The following KLHL18 variants were observed in gnomAD, a reference collection of about 807,000 sequenced individuals.
KLHL18 encodes the protein kelch like family member 18.
A neutral mutation model predicts 58.5 loss-of-function variants in KLHL18; 38 were observed. That is an observed-to-expected ratio of 0.65 (90% confidence interval 0.50 to 0.85). The LOEUF (loss-of-function observed/expected upper bound fraction) is 0.85. Among genes scored for constraint, KLHL18 ranks in the 40% least tolerant of loss-of-function variants. KLHL18 has a pLI of 0.00. For missense variants in KLHL18, 624 were observed against 778.4 expected (o/e 0.80, Z 2.36); for synonymous variants, 303 against 301.9 (o/e 1.00, Z -0.04).
In KLHL18 at chr3:47,303,106, G is replaced by A. The variant is rs1487947078; in HGVS notation, c.130-16547G>A. Among the ~76,000 whole-genome samples, 13 of 152,160 alleles carry A rather than the reference G, an allele frequency of 8.5e-5. No individual in the cohort carries two copies. The East Asian group carries it at 1.3e-3, about 16-fold the overall frequency. ...CTGGCTATGTCATAAATCCCGTGAC[G>A]TCATGTACAACAGCTGAACAGCTTT... is the stretch of plus-strand genomic sequence containing the variant. On this transcript the variant is annotated intron_variant, in intron 1 of 9. Transcript: ENST00000232766.
At chr3:47,294,050 A>G (rs144878279) in intron 1 of KLHL18, among the ~76,000 whole-genome samples, 1 of 152,216 alleles carries the variant, frequency 6.6e-6, no homozygotes, top group African/African-American at 2.4e-5. Flanking sequence ...GATCCTCTTC[A>G]TCTTTTACCT....
chr3:47,288,659 G>A (rs964768071), intron 1 of KLHL18, among the ~76,000 whole-genome samples: 8 of 152,016 alleles, frequency 5.3e-5, no homozygotes, highest in East Asian at 3.8e-4. Flanking sequence ...GAAGCCTGTC[G>A]GATAGTGAGA....
At chr3:47,301,203 C>A (rs964097517) in intron 1 of KLHL18, among the ~76,000 whole-genome samples, 1 of 151,490 alleles carries the variant, frequency 6.6e-6, no homozygotes, top group African/African-American at 2.4e-5. Flanking sequence ...CTAACTGGTT[C>A]TTTCACAGAG....
chr3:47,297,393 TC>T (rs1702919804), intron 1 of KLHL18, among the ~76,000 whole-genome samples: 1 of 152,112 alleles, frequency 6.6e-6, no homozygotes. Context: ...GGTGAAAGAA[TC>T]CCCCTGACTT....
rs767795617 is a variant in KLHL18 at position 47,282,977 on chromosome 3, C to T, written c.12C>T (p.Asp4=). 3 of 1,610,408 alleles carry T rather than the reference C, an allele frequency of 1.9e-6. No individual in the cohort carries two copies. Among genetic ancestry groups the T allele is most frequent in the African/African-American group, 1.3e-5 (1 of 74,964 alleles). Residue 4 remains aspartate, a synonymous_variant, in exon 1 of 10, where the codon GAC becomes GAT. Transcript: ENST00000232766. MVE[D]GAEELEDLVH... is the part of the protein sequence containing the mutation. ...AGCGGCCGGGGAAGATGGTGGAGGA[C>T]GGCGCGGAGGAGCTGGAGGATCTGG...
intron 1 of KLHL18, among the ~76,000 whole-genome samples, chr3:47,289,397 C>T (rs1265601670): frequency 6.6e-6 from 1 of 152,152 alleles, no homozygotes; most frequent in Non-Finnish European, 1.5e-5. Context: ...CTTGTGTTAC[C>T]CACTAAATGT....
intron 1 of KLHL18, among the ~76,000 whole-genome samples, chr3:47,315,401 A>G (rs1431171502): frequency 1.3e-5 from 2 of 152,222 alleles, no homozygotes; most frequent in East Asian, 3.8e-4. Context: ...AGGCACACCA[A>G]GCATAGGAGA....
In KLHL18 at chr3:47,345,395, A is replaced by C. The variant is rs922557366; in HGVS notation, c.*1454A>C. 3.3e-5 allele frequency: 5 copies of C among 152,758 alleles called. No individual in the cohort carries two copies. In the East Asian group the frequency reaches 9.6e-4, roughly 29 times the overall value. 9.5% of individuals were successfully genotyped at this position (152,758 alleles called of 1,614,324 possible). ...CACAGCTGGCTTTTATGACATAAAGAACTAAAGGCCGAAAGAATCTCTTGC... is the reference window on the plus strand; with the variant it reads ...CACAGCTGGCTTTTATGACATAAAGCACTAAAGGCCGAAAGAATCTCTTGC... On this transcript the variant is annotated 3_prime_UTR_variant, in exon 10 of 10. Coordinates refer to ENST00000232766, the MANE Select transcript of KLHL18 (RefSeq NM_025010.5).
At chr3:47,316,473 GTATATATATACATATATACATATATA>G (rs1559495353) in intron 1 of KLHL18, among the ~76,000 whole-genome samples, 4 of 113,910 alleles carry the variant, frequency 3.5e-5, no homozygotes, top group Non-Finnish European at 5.2e-5. Context: ...ATATATATAT[GTATATATATACATATATACATATATA>G]TGTATATATA....
intron 1 of KLHL18, among the ~76,000 whole-genome samples, chr3:47,305,490 A>G (rs914797229): frequency 6.6e-6 from 1 of 151,950 alleles, no homozygotes; most frequent in Admixed American, 6.6e-5. Context: ...AATTATTTTT[A>G]TATATTGCTG....
intron 1 of KLHL18, among the ~76,000 whole-genome samples, chr3:47,308,616 CCT>C (rs902840385): frequency 9.2e-5 from 14 of 152,182 alleles, no homozygotes; most frequent in Non-Finnish European, 1.9e-4. Flanking sequence ...GTCTTGAACT[CCT>C]GACCTCAGGT....
intron 1 of KLHL18, among the ~76,000 whole-genome samples, chr3:47,318,977 A>G (rs1703520527): frequency 1.3e-5 from 2 of 152,230 alleles, no homozygotes; most frequent in Non-Finnish European, 2.9e-5. Context: ...CTTAAGTGGA[A>G]ATGTTTATAT....
chr3:47,297,053 A>G (rs1702911592), intron 1 of KLHL18, among the ~76,000 whole-genome samples: 1 of 152,152 alleles, frequency 6.6e-6, no homozygotes, highest in South Asian at 2.1e-4. Context: ...TGAATGTTTT[A>G]GCCAGCTGTT....
At chr3:47,311,676 G>A (rs916126904) in intron 1 of KLHL18, among the ~76,000 whole-genome samples, 4 of 152,150 alleles carry the variant, frequency 2.6e-5, no homozygotes, top group African/African-American at 7.2e-5. Flanking sequence ...TGGTGACAGA[G>A]CAAGACTCTG....
intron 7 of KLHL18, among the ~76,000 whole-genome samples, chr3:47,339,677 T>C (rs536622872): frequency 2.6e-5 from 4 of 152,210 alleles, no homozygotes; most frequent in Non-Finnish European, 4.4e-5. Flanking sequence ...TCAGTGCCTG[T>C]TACATACAGG....
chr3:47,294,973 G>A (rs1161639674), intron 1 of KLHL18, among the ~76,000 whole-genome samples: 4 of 152,056 alleles, frequency 2.6e-5, no homozygotes, highest in Non-Finnish European at 4.4e-5. Context: ...CAGCGGAGCC[G>A]TGAGTCGAGC....
rs143862007 is a variant in KLHL18, at chr3:47,333,041, A to T, written c.601-116A>T. 6.6e-5 allele frequency: 68 copies of T among 1,032,348 alleles called. No homozygotes were observed. The African/African-American group carries it at 1.0e-3, about 16-fold the overall frequency. The allele number at this position is 1,032,348 out of a possible 1,614,324, so 63.9% of individuals were successfully genotyped here. A position where few individuals can be genotyped will look rare whatever the true frequency, so the allele number is the denominator to read the frequency against. ...ATTTCAGAGACAAGTAGGAGAAAAG[A>T]TTGATGGGCCCAAGGGACTGCTTCA... On this transcript the variant is annotated intron_variant, in intron 4 of 9. Coordinates refer to ENST00000232766, the MANE Select transcript of KLHL18 (RefSeq NM_025010.5).
chr3:47,321,749 A>G (rs1419777375), intron 2 of KLHL18, among the ~76,000 whole-genome samples: 3 of 152,212 alleles, frequency 2.0e-5, no homozygotes, highest in Non-Finnish European at 2.9e-5. Flanking sequence ...AGTAAAGGCT[A>G]GTGAAGGATG....
chr3:47,339,901 A>T (rs752056601), intron 7 of KLHL18, among the ~76,000 whole-genome samples: 38 of 152,004 alleles, frequency 2.5e-4, no homozygotes, highest in Non-Finnish European at 4.6e-4. Flanking sequence ...AAAAAAAATT[A>T]GCTGGGTGTG....
Sources: gnomAD v4.1 joint callset for allele counts (sites outside exome capture counted in the v4.1 genomes callset) on GRCh38, gnomAD v4.1.1 for gene constraint, MANE v1.5 for transcripts, NCBI Gene and HGNC (gene_info 2026-07-23, HGNC 2026-07-21) for gene names.